Variants in UNC79 observed in about 807,000 individuals in gnomAD.
The protein encoded by UNC79 is unc-79 subunit of NALCN channel complex, also known as protein unc-79 homolog.
A neutral mutation model predicts 283.1 loss-of-function variants in UNC79; 37 were observed. That is an observed-to-expected ratio of 0.13 (90% CI 0.10 to 0.17). The LOEUF (loss-of-function observed/expected upper bound fraction) is 0.17. Ranked by LOEUF, UNC79 falls within the 10% of genes least tolerant of loss-of-function variation. UNC79 has a pLI of 1.00. For synonymous variants in UNC79, 1,107 were observed against 1,200.2 expected, an observed-to-expected ratio of 0.92 and a Z score of 1.61; for missense variants, 2,272 against 3,211.1, an observed-to-expected ratio of 0.71 and a Z score of 7.07.
intron 14 of UNC79, among the ~76,000 whole-genome samples, chr14:93,567,732 C>T (rs992186834): frequency 6.6e-6 from 1 of 152,108 alleles, no homozygotes; most frequent in African/African-American, 2.4e-5. Flanking sequence ...TTTGTGAACC[C>T]CGAATATCTG....
intron 1 of UNC79, among the ~76,000 whole-genome samples, chr14:93,423,148 C>T (rs2055643062): frequency 6.8e-6 from 1 of 147,262 alleles, no homozygotes; most frequent in Non-Finnish European, 1.5e-5. Flanking sequence ...AGATAAAATA[C>T]CTACAAATTA....
chr14:93,422,445 G>C (rs2055620909), intron 1 of UNC79, among the ~76,000 whole-genome samples: 1 of 152,150 alleles, frequency 6.6e-6, no homozygotes, highest in Non-Finnish European at 1.5e-5. Context: ...GGTCTGTGTT[G>C]ATGTGAATGC....
chr14:93,447,125 T>C (rs182039933), intron 1 of UNC79, among the ~76,000 whole-genome samples: 1 of 152,212 alleles, frequency 6.6e-6, no homozygotes. Flanking sequence ...TTATGAAGTG[T>C]CTTTTTTATC....
chr14:93,420,362 CAAAG>C (rs1205855212), intron 1 of UNC79, among the ~76,000 whole-genome samples: 1 of 151,218 alleles, frequency 6.6e-6, no homozygotes, highest in African/African-American at 2.4e-5. Context: ...CTATAAGAGA[CAAAG>C]AAGGCCAGTA....
At chr14:93,637,645 A>G (rs1566830909) in intron 32 of UNC79, among the ~76,000 whole-genome samples, 1 of 152,180 alleles carries the variant, frequency 6.6e-6, no homozygotes, top group Admixed American at 6.5e-5. Context: ...TTTAGTAGAG[A>G]TGAGGTTTCA....
At chr14:93,634,351 C>T (rs751838) in intron 31 of UNC79, among the ~76,000 whole-genome samples, 170 bp from the exon 34 acceptor site, 111,146 of 152,154 alleles carry the variant, frequency 0.73, 41,124 homozygotes, top group African/African-American at 0.84. Context: ...TGAAGAAAGG[C>T]ATCCGGAACA....
chr14:93,633,744 T>C (rs1236341569), intron 31 of UNC79, among the ~76,000 whole-genome samples: 1 of 152,228 alleles, frequency 6.6e-6, no homozygotes, highest in Non-Finnish European at 1.5e-5. Context: ...TTCATTGTTT[T>C]CTGGTTTGGA....
rs767941992 is a variant in UNC79 at position 93,529,256 on chromosome 14, C to T, written c.1053-30C>T. On this transcript the variant is annotated intron_variant, in intron 9 of 48. Transcript: ENST00000555664. Reference sequence around the variant, plus strand: ...GTGGAAGGAGAACATTTCAATGAAGCTCAAAAATGAATTTTGTTTTTTTCA... The same window carrying T: ...GTGGAAGGAGAACATTTCAATGAAGTTCAAAAATGAATTTTGTTTTTTTCA... 3.1e-6 allele frequency: 5 copies of T among 1,611,704 alleles called. No individual in the cohort carries two copies. The Admixed American group carries it at 8.4e-5, about 27-fold the overall frequency.
At chr14:93,384,400 G>A (rs2054726708) in intron 1 of UNC79, among the ~76,000 whole-genome samples, 1 of 152,118 alleles carries the variant, frequency 6.6e-6, no homozygotes, top group African/African-American at 2.4e-5. Context: ...TTTTAACTGG[G>A]GTGAGATAAT....
chr14:93,618,253 A>G (rs768321833), exon 29 of UNC79: 2 of 1,614,128 alleles, frequency 1.2e-6, no homozygotes, highest in Non-Finnish European at 1.7e-6. Context: ...ATAACAGTCA[A>G]TACACTCAAT....
chr14:93,416,976 A>G (rs1239733719), intron 1 of UNC79, among the ~76,000 whole-genome samples: 7 of 152,246 alleles, frequency 4.6e-5, no homozygotes, highest in East Asian at 3.9e-4. Context: ...CCTTTATCCA[A>G]TTTGCTAGTC....
intron 7 of UNC79, among the ~76,000 whole-genome samples, chr14:93,522,014 A>G (rs1017243549): frequency 3.3e-5 from 5 of 151,858 alleles, no homozygotes; most frequent in East Asian, 1.9e-4. Flanking sequence ...TTTAAATCCA[A>G]TGTGGCTTTT....
chr14:93,529,749 G>A (rs147310246), intron 10 of UNC79, among the ~76,000 whole-genome samples: 7 of 151,996 alleles, frequency 4.6e-5, no homozygotes, highest in Non-Finnish European at 8.8e-5. Context: ...ACCATGTTGT[G>A]GGGGGGAAAT....
intron 7 of UNC79, among the ~76,000 whole-genome samples, chr14:93,521,475 C>G (rs1033218472): frequency 4.6e-5 from 7 of 151,840 alleles, no homozygotes; most frequent in Admixed American, 4.6e-4. Flanking sequence ...TTTTTGTCCC[C>G]TCAACTAAAA....
chr14:93,529,929 G>A (rs912935016), intron 10 of UNC79, among the ~76,000 whole-genome samples: 22 of 152,280 alleles, frequency 1.4e-4, no homozygotes, highest in East Asian at 5.8e-4. Context: ...CTCCACATAT[G>A]GGAGAGGCAG....
chr14:93,465,350 G>T (rs1003055560), intron 1 of UNC79, among the ~76,000 whole-genome samples: 1 of 152,178 alleles, frequency 6.6e-6, no homozygotes, highest in African/African-American at 2.4e-5. Context: ...AATATATTGA[G>T]TCCCTACTAA....
chr14:93,333,868 A>G (rs1441623648), intron 1 of UNC79, among the ~76,000 whole-genome samples: 1 of 152,228 alleles, frequency 6.6e-6, no homozygotes, highest in African/African-American at 2.4e-5. Context: ...TTTACAACCA[A>G]GGAGACAGGC....
chr14:93,628,890 C>G (rs1205849530), intron 30 of UNC79, among the ~76,000 whole-genome samples: 4 of 152,146 alleles, frequency 2.6e-5, no homozygotes, highest in Non-Finnish European at 5.9e-5. Flanking sequence ...ATTAAAGATA[C>G]AGCAAGGATT....
chr14:93,404,493 A>AAAAAAAAAAAAATATATATATATATAT lies in UNC79; in HGVS notation c.-350-63177_-350-63176insAAAAAAAAAAATATATATATATATATA. Among the ~76,000 whole-genome samples the AAAAAAAAAAAAATATATATATATATAT allele has an allele frequency of 6.5e-4, 40 of 61,476 alleles. 1 individual carries two copies. The highest frequency in any genetic ancestry group is 1.8e-3 in the South Asian group (4 of 2,176). The allele number at this position is 61,476 out of a possible 152,430, so 40.3% of individuals were successfully genotyped here. ...TGACAGAGTGAGACCTTCTAAAAAA[A>AAAAAAAAAAAAATATATATATATATAT]ATATATATATATATATATATAAATA... On this transcript the variant is annotated intron_variant, in intron 1 of 49. Transcript: ENST00000256339.
Sources: gnomAD v4.1 joint callset for allele counts (sites outside exome capture counted in the v4.1 genomes callset) on GRCh38, gnomAD v4.1.1 for gene constraint, MANE v1.5 for transcripts, NCBI Gene and HGNC (gene_info 2026-07-23, HGNC 2026-07-21) for gene names.